Variants in MRM2 observed in about 807,000 individuals in gnomAD.
The protein encoded by MRM2 is rRNA methyltransferase 2, mitochondrial.
A neutral mutation model predicts 10.9 loss-of-function variants in MRM2; 15 were observed. The ratio of observed to expected loss-of-function variants is 1.37; its 90% CI spans 0.92 to 2.11. The LOEUF (loss-of-function observed/expected upper bound fraction) is 2.11. MRM2 is among the 30% of genes most tolerant of loss of function. MRM2 has a pLI of 0.00. For missense variants in MRM2, 328 were observed against 321.3 expected (o/e 1.02, Z -0.16); for synonymous variants, 139 against 128.7 (o/e 1.08, Z -0.54).
At chr7:2,239,845 C>T in intron 1 of MRM2, 138 bp from the exon 2 acceptor site, 1 of 749,454 alleles carries the variant, frequency 1.3e-6, no homozygotes, top group South Asian at 1.8e-5. Context: ...ACTGATAAGG[C>T]TACACAGATG....
chr7:2,235,867 C>A (rs907908669), intron 2 of MRM2, among the ~76,000 whole-genome samples: 1 of 152,198 alleles, frequency 6.6e-6, no homozygotes, highest in Non-Finnish European at 1.5e-5. Flanking sequence ...AATCTGGTAT[C>A]ATTTCACTAC....
In MRM2 at chr7:2,235,223, T is replaced by C. The variant is rs751080685; in HGVS notation, c.640A>G (p.Asn214Asp). The C allele has an allele frequency of 6.2e-7, 1 of 1,614,066 alleles. No individual in the cohort carries two copies. The highest frequency in any genetic ancestry group is 1.1e-5 in the South Asian group (1 of 91,078). ...LQRRLTEEFQ[N>D]VRIIKPEASR... ...GCTTCAGGTTTGATGATCCTTACAT[T>C]CTGGAATTCCTCTGTCAGTCTCCTC... The change falls in exon 3 of 3, where the codon AAT (asparagine) becomes GAT (aspartate). Residue 214 changes from asparagine to aspartate, a missense_variant. By Grantham distance (23) the Asn-to-Asp change is conservative. Transcript: ENST00000242257.
In MRM2 at chr7:2,239,560, G is replaced by A; in HGVS notation, c.156C>T (p.Tyr52=). 2 of 1,614,036 alleles carry A rather than the reference G, an allele frequency of 1.2e-6. No individual in the cohort carries two copies. Among genetic ancestry groups the A allele is most frequent in the Non-Finnish European group, 8.5e-7 (1 of 1,180,008 alleles). Residue 52 remains tyrosine (Y), a synonymous_variant, in exon 2 of 3, where the codon TAC becomes TAT. Coordinates refer to ENST00000242257, the MANE Select transcript of MRM2 (RefSeq NM_013393.3). ...GGAGCTTGAAGGCGCTTCGACACCG[G>A]TAACTCTCCACCTTCGCAGCCTTCA... ...PFVKAAKVES[Y]RCRSAFKLLE...
chr7:2,242,047 G>A (rs913948742), intron 1 of MRM2, 115 bp downstream of exon 1: 159 of 1,167,856 alleles, frequency 1.4e-4, no homozygotes, highest in Non-Finnish European at 1.8e-4. Flanking sequence ...CGCTGAGTGC[G>A]GGGACGGTGC....
intron 2 of MRM2, chr7:2,237,932 G>C (rs139331010): frequency 2.0e-4 from 29 of 147,776 alleles, no homozygotes; most frequent in African/African-American, 6.5e-4. Flanking sequence ...TGAAAAGCCC[G>C]AAGAGGCATA....
chr7:2,235,068 C>T lies in MRM2; in HGVS notation c.*54G>A, dbSNP rs1445440274. On this transcript the variant is annotated 3_prime_UTR_variant, in exon 3 of 3. Coordinates refer to ENST00000242257, the MANE Select transcript of MRM2 (RefSeq NM_013393.3). The stretch of plus-strand genomic sequence containing the variant: ...AGGAACTCTTCAGGAGCTCAGGCTA[C>T]GTTTCTAGCTTAAAAGGAGCTAATG... 9 of 1,387,944 alleles carry T rather than the reference C, an allele frequency of 6.5e-6. No individual in the cohort carries two copies. The highest frequency in any genetic ancestry group is 1.9e-4 in the Middle Eastern group (1 of 5,174). The allele number at this position is 1,387,944 out of a possible 1,614,324, so 86.0% of individuals were successfully genotyped here.
At chr7:2,239,736 T>C (rs757739156) in intron 1 of MRM2, 29 bp from the exon 2 acceptor site, 4 of 1,600,732 alleles carry the variant, frequency 2.5e-6, no homozygotes, top group African/African-American at 2.7e-5. Context: ...AGCAGGCAGG[T>C]TGGCATCACA....
chr7:2,236,579 A>ATGAGGCG (rs553155723), intron 2 of MRM2, among the ~76,000 whole-genome samples: 24 of 152,228 alleles, frequency 1.6e-4, no homozygotes, highest in Non-Finnish European at 2.5e-4. Flanking sequence ...CCCAGCTAAA[A>ATGAGGCG]TGAGGCGTGA....
chr7:2,235,093 G>A lies in MRM2; in HGVS notation c.*29C>T, dbSNP rs766365252. The A allele has an allele frequency of 9.1e-6, 14 of 1,542,818 alleles. No individual in the cohort carries two copies. Among genetic ancestry groups the A allele is most frequent in the Non-Finnish European group, 1.3e-5 (14 of 1,119,088 alleles). On this transcript the variant is annotated 3_prime_UTR_variant, in exon 3 of 3. Coordinates refer to ENST00000242257, the MANE Select transcript of MRM2 (RefSeq NM_013393.3). The stretch of plus-strand genomic sequence containing the variant: ...CGTTTCTAGCTTAAAAGGAGCTAAT[G>A]ACCATTATGAAAATGGCACAAGAAA...
In MRM2 at chr7:2,234,985, G is replaced by A. The variant is rs886668008; in HGVS notation, c.*137C>T. The stretch of plus-strand genomic sequence containing the variant: ...TTGGTTAAAAAGAGAGAGAGAGAAA[G>A]AGAGAGAGAGACTCCCCACTTGTCC... On this transcript the variant is annotated 3_prime_UTR_variant, in exon 3 of 3. Coordinates refer to ENST00000242257, the MANE Select transcript of MRM2 (RefSeq NM_013393.3). 1 of 627,320 alleles carries A rather than the reference G, an allele frequency of 1.6e-6. No homozygotes were observed. The highest frequency in any genetic ancestry group is 1.8e-5 in the African/African-American group (1 of 54,422). 38.9% of individuals were successfully genotyped at this position (627,320 alleles called of 1,614,324 possible).
intron 2 of MRM2, among the ~76,000 whole-genome samples, chr7:2,237,862 G>A (rs1423745201): frequency 1.5e-5 from 2 of 137,514 alleles, no homozygotes; most frequent in Non-Finnish European, 3.0e-5. Context: ...TTGCACTCCA[G>A]CCTGGGCAAC....
rs561043184 is a variant in MRM2, at chr7:2,236,443, CT to C, written c.299-880del. On this transcript the variant is annotated intron_variant, in intron 2 of 2. Coordinates refer to ENST00000242257, the MANE Select transcript of MRM2 (RefSeq NM_013393.3). ...GTGGCTTACACCTAAAATCCCAGCA[CT>C]TTGGGAGGCTGAAGCAAGAGGATTA... is the stretch of plus-strand genomic sequence containing the variant. 1.3e-3 allele frequency among the ~76,000 whole-genome samples: 198 copies of C among 152,246 alleles called. 2 individuals carry two copies. Among genetic ancestry groups the C allele is most frequent in the African/African-American group, 4.6e-3 (193 of 41,550 alleles).
rs1210061128 is a variant in MRM2, at chr7:2,239,484, C to CT, written c.231dup (p.Asp78ArgfsTer52). The CT allele has an allele frequency of 1.3e-5, 21 of 1,613,896 alleles. No individual in the cohort carries two copies. The highest frequency in any genetic ancestry group is 1.7e-5 in the Non-Finnish European group (20 of 1,180,008). On this transcript the variant is annotated frameshift_variant, in exon 2 of 3. Coordinates refer to ENST00000242257, the MANE Select transcript of MRM2 (RefSeq NM_013393.3). LOFTEE classifies it high-confidence loss of function. ...CAGGCCCCAGGAGCTGCCCCACAGTCTAACACCCGAAGGCCGGGCCGCAGA... is the reference window on the plus strand; with the variant it reads ...CAGGCCCCAGGAGCTGCCCCACAGTCTTAACACCCGAAGGCCGGGCCGCAGA...
At chr7:2,236,096 G>A (rs1180242496) in intron 2 of MRM2, among the ~76,000 whole-genome samples, 1 of 152,142 alleles carries the variant, frequency 6.6e-6, no homozygotes, top group Non-Finnish European at 1.5e-5. Flanking sequence ...CAGGCGTGGT[G>A]GCACGTGCCT....
At chr7:2,239,845 C>A in intron 1 of MRM2, 138 bp from the exon 2 acceptor site, 1 of 749,452 alleles carries the variant, frequency 1.3e-6, no homozygotes, top group Non-Finnish European at 2.2e-6. Context: ...ACTGATAAGG[C>A]TACACAGATG....
chr7:2,235,162 G>A lies in MRM2; in HGVS notation c.701C>T (p.Ala234Val). 6.2e-7 allele frequency: 1 copy of A among 1,614,052 alleles called. No homozygotes were observed. The highest frequency in any genetic ancestry group is 1.1e-5 in the South Asian group (1 of 91,084). Residue 234 changes from alanine (A) to valine (V), a missense_variant, in exon 3 of 3, where the codon GCC becomes GTC. Physicochemically the swap from Ala to Val is moderately conservative, Grantham distance 64. Transcript: ENST00000242257. ...GCCCTTCCTTCCGTGGTACTGTGTG[G>A]CCAAGAAGTACACTTCTGATGACTC... The part of the protein sequence containing the change: ...RKESSEVYFL[A>V]TQYHGRKGTV...
chr7:2,239,291 C>A, intron 2 of MRM2, 127 bp downstream of exon 2: 1 of 933,808 alleles, frequency 1.1e-6, no homozygotes, highest in Non-Finnish European at 1.8e-6. Flanking sequence ...TGCTAAACCA[C>A]CCACTCGGAA....
chr7:2,237,883 T>C, intron 2 of MRM2: 1 of 118,110 alleles, frequency 8.5e-6, no homozygotes, highest in African/African-American at 3.4e-5. Flanking sequence ...AGAGTGAGGC[T>C]CTATAAACAA....
At chr7:2,240,253 T>C in intron 1 of MRM2, 1 of 455,576 alleles carries the variant, frequency 2.2e-6, no homozygotes, top group Non-Finnish European at 4.4e-6. Context: ...ATTAATTAAT[T>C]AAAGTAATAT....
Sources: allele counts gnomAD v4.1 joint callset (sites outside exome capture counted in the v4.1 genomes callset), GRCh38; gene constraint gnomAD v4.1.1; transcripts MANE v1.5; gene names NCBI Gene and HGNC (gene_info 2026-07-23, HGNC 2026-07-21).